The following DLG2 variants were observed in gnomAD, a reference collection of about 807,000 sequenced individuals.
The protein encoded by DLG2 is disks large homolog 2.
A neutral mutation model predicts 132.5 loss-of-function variants in DLG2; 45 were observed. That is an observed-to-expected ratio of 0.34 (90% confidence interval 0.27 to 0.44). The LOEUF is 0.44. DLG2 is among the 20% of genes least tolerant of loss of function. The pLI is 1.00. For missense variants in DLG2, 1,045 were observed against 1,196.9 expected (o/e 0.87, Z 1.87); for synonymous variants, 424 against 419.6 (o/e 1.01, Z -0.13).
chr11:85,280,802 C>G (rs1165349472), intron 4 of DLG2, among the ~76,000 whole-genome samples: 4 of 151,934 alleles, frequency 2.6e-5, no homozygotes, highest in Non-Finnish European at 5.9e-5. Flanking sequence ...TATAGTTCAG[C>G]AAAACACCTA....
chr11:85,067,313 T>G (rs990812079), intron 6 of DLG2, among the ~76,000 whole-genome samples: 2 of 151,886 alleles, frequency 1.3e-5, no homozygotes, highest in African/African-American at 4.8e-5. Flanking sequence ...ATTCATTGAT[T>G]TTTTGAAGGG....
At chr11:85,504,153 T>C (rs1413174001) in intron 3 of DLG2, among the ~76,000 whole-genome samples, 1 of 152,198 alleles carries the variant, frequency 6.6e-6, no homozygotes, top group Non-Finnish European at 1.5e-5. Context: ...TTTCTCCCAT[T>C]CTGTAGGTTG....
At chr11:84,276,932 C>CA (rs1437834078) in intron 7 of DLG2, among the ~76,000 whole-genome samples, 2 of 152,024 alleles carry the variant, frequency 1.3e-5, no homozygotes, top group African/African-American at 4.8e-5. Flanking sequence ...GCACATGAGA[C>CA]AAAAAACAAT....
chr11:83,474,170 C>T (rs563327502), intron 22 of DLG2, among the ~76,000 whole-genome samples: 1 of 152,146 alleles, frequency 6.6e-6, no homozygotes, highest in East Asian at 1.9e-4. Context: ...GGGGACTCTG[C>T]CACATTGGTC....
chr11:84,058,212 CAA>C (rs1418778229), intron 11 of DLG2, among the ~76,000 whole-genome samples: 2 of 151,938 alleles, frequency 1.3e-5, no homozygotes, highest in African/African-American at 4.8e-5. Flanking sequence ...ATGATTTACT[CAA>C]AGAGTACAGT....
At chr11:83,605,503 G>A (rs966152551) in intron 19 of DLG2, among the ~76,000 whole-genome samples, 1 of 152,174 alleles carries the variant, frequency 6.6e-6, no homozygotes, top group African/African-American at 2.4e-5. Context: ...CAGCAACAAC[G>A]ATTGATTACT....
rs76490520 is a variant in DLG2 at position 85,117,885 on chromosome 11, T to C, written c.283-6150A>G. 9.8e-3 allele frequency among the ~76,000 whole-genome samples: 1,492 copies of C among 152,170 alleles called. 22 individuals are homozygous for C. Among genetic ancestry groups the C allele is most frequent in the African/African-American group, 0.033 (1,354 of 41,550 alleles). ...TCCTGTAAATGGAAAGTTATGAGAATACCCGTTTTCATTTAGAGGGCAGGG... is the reference window on the plus strand; with the variant it reads ...TCCTGTAAATGGAAAGTTATGAGAACACCCGTTTTCATTTAGAGGGCAGGG... On this transcript the variant is annotated intron_variant, in intron 5 of 27. Transcript: ENST00000376104.
chr11:85,495,315 T>A (rs1445900411), intron 3 of DLG2, among the ~76,000 whole-genome samples: 1 of 152,078 alleles, frequency 6.6e-6, no homozygotes, highest in African/African-American at 2.4e-5. Flanking sequence ...GCAATTCATC[T>A]CTTAGAAATA....
intron 7 of DLG2, among the ~76,000 whole-genome samples, chr11:84,430,437 C>CAA (rs556329699): frequency 2.9e-5 from 2 of 70,110 alleles, no homozygotes; most frequent in Admixed American, 1.5e-4. Context: ...GACTCCATCT[C>CAA]AAAAAAAAAA....
At chr11:84,968,845 GC>G (rs1312567203) in intron 6 of DLG2, among the ~76,000 whole-genome samples, 1 of 152,082 alleles carries the variant, frequency 6.6e-6, no homozygotes, top group East Asian at 1.9e-4. Context: ...GCTCTGATTA[GC>G]CTATAGAGTT....
In DLG2 at chr11:83,607,901, G is replaced by A. The variant is rs2059576669; in HGVS notation, c.1940+25310C>T. ...GACTGCAAGTCTAAATTTACATGGA[G>A]TTTAAGAATAGGCCAGGGCTAATCT... On this transcript the variant is annotated intron_variant, in intron 19 of 27. Coordinates refer to ENST00000376104, the MANE Select transcript of DLG2 (RefSeq NM_001142699.3). 2.6e-5 allele frequency among the ~76,000 whole-genome samples: 4 copies of A among 152,194 alleles called. No individual in the cohort carries two copies. The South Asian group carries it at 8.3e-4, about 32-fold the overall frequency.
At chr11:84,483,538 G>T (rs939195444) in intron 7 of DLG2, among the ~76,000 whole-genome samples, 1 of 151,408 alleles carries the variant, frequency 6.6e-6, no homozygotes, top group Non-Finnish European at 1.5e-5. Flanking sequence ...TTGCACTGTC[G>T]TTCTGATACA....
intron 6 of DLG2, among the ~76,000 whole-genome samples, chr11:85,052,551 A>T (rs1268129254): frequency 6.6e-6 from 1 of 152,220 alleles, no homozygotes; most frequent in African/African-American, 2.4e-5. Context: ...AAGATATAGC[A>T]GTGAATGTTT....
chr11:85,169,764 C>G (rs1314363530), intron 4 of DLG2, among the ~76,000 whole-genome samples: 1 of 152,164 alleles, frequency 6.6e-6, no homozygotes, highest in East Asian at 1.9e-4. Flanking sequence ...CAATTATGTT[C>G]CTTCTGGAGT....
chr11:84,376,532 A>G (rs1241332473), intron 7 of DLG2, among the ~76,000 whole-genome samples: 3 of 151,936 alleles, frequency 2.0e-5, no homozygotes, highest in Non-Finnish European at 4.4e-5. Context: ...GTCCATATGG[A>G]AGGTACTTAT....
intron 6 of DLG2, among the ~76,000 whole-genome samples, chr11:84,822,414 A>G (rs971036642): frequency 1.3e-5 from 2 of 151,882 alleles, no homozygotes; most frequent in African/African-American, 4.8e-5. Flanking sequence ...AATTAATTAG[A>G]TAAGGATTGT....
In DLG2 at chr11:84,097,699, C is replaced by T. The variant is rs140923732; in HGVS notation, c.749+1224G>A. Among the ~76,000 whole-genome samples the T allele has an allele frequency of 2.2e-3, 332 of 152,230 alleles. 1 individual carries two copies. Among genetic ancestry groups the T allele is most frequent in the Non-Finnish European group, 3.9e-3 (262 of 68,012 alleles). ...CTTCTCCACTTTATTTATTTACTTA[C>T]TCAAAAATTCATTTCTTCAGCAAGA... On this transcript the variant is annotated intron_variant, in intron 10 of 27. Coordinates refer to ENST00000376104, the MANE Select transcript of DLG2 (RefSeq NM_001142699.3).
intron 6 of DLG2, among the ~76,000 whole-genome samples, chr11:84,682,695 A>T (rs78096532): frequency 6.6e-6 from 1 of 152,194 alleles, no homozygotes. Flanking sequence ...ATGAGGCCCC[A>T]AAGACTCAGC....
intron 19 of DLG2, among the ~76,000 whole-genome samples, chr11:83,558,715 C>T (rs483020): frequency 0.48 from 72,792 of 151,938 alleles, 18,125 homozygotes; most frequent in African/African-American, 0.58. Context: ...TCTTTTCTCC[C>T]AGAGAGGAGG....
Sources: allele counts gnomAD v4.1 joint callset (sites outside exome capture counted in the v4.1 genomes callset), GRCh38; gene constraint gnomAD v4.1.1; transcripts MANE v1.5; gene names NCBI Gene and HGNC (gene_info 2026-07-23, HGNC 2026-07-21).